The following MYH14 variants were observed in gnomAD, a reference collection of about 807,000 sequenced individuals.
MYH14 encodes the protein myosin-14.
In MYH14, 123 loss-of-function variants were observed where a neutral mutation model predicts 255.5. The observed-to-expected ratio is 0.48, with a 90% CI of 0.42 to 0.56. MYH14 has a LOEUF of 0.56. Ranked by LOEUF, MYH14 falls within the 20% of genes least tolerant of loss-of-function variation. The probability of loss-of-function intolerance (pLI) is 0.00; values close to 1 mark genes in which losing one functional copy is unlikely to be tolerated. For missense variants in MYH14, 2,423 were observed against 2,802.3 expected, an observed-to-expected ratio of 0.86 and a Z score of 3.06; for synonymous variants, 1,095 against 1,161.2, an observed-to-expected ratio of 0.94 and a Z score of 1.16.
intron 16 of MYH14, among the ~76,000 whole-genome samples, chr19:50,254,407 G>A (rs2034516897): frequency 6.6e-6 from 1 of 152,078 alleles, no homozygotes; most frequent in Non-Finnish European, 1.5e-5. Flanking sequence ...TGATGTTCAG[G>A]AACAGAACCA....
chr19:50,226,797 G>T, intron 7 of MYH14, 106 bp from the exon 8 acceptor site: 3 of 1,013,094 alleles, frequency 3.0e-6, no homozygotes, highest in Non-Finnish European at 1.5e-6. Context: ...AAGTGGGGGG[G>T]CAGCCGCAGC....
intron 10 of MYH14, among the ~76,000 whole-genome samples, chr19:50,234,584 G>A (rs1481038201): frequency 1.9e-5 from 2 of 107,810 alleles, no homozygotes; most frequent in African/African-American, 7.0e-5. Context: ...CCACCCCGCC[G>A]CATTTCCCAA....
At chr19:50,309,564 C>G in intron 42 of MYH14, 76 bp from the exon 43 acceptor site, 1 of 930,776 alleles carries the variant, frequency 1.1e-6, no homozygotes, top group South Asian at 1.4e-5. Context: ...CCCCTCATCT[C>G]TCTCTCTCCT....
At chr19:50,253,290 A>G (rs766046428) in intron 16 of MYH14, among the ~76,000 whole-genome samples, 1 of 152,074 alleles carries the variant, frequency 6.6e-6, no homozygotes, top group Non-Finnish European at 1.5e-5. Context: ...TAAAAGTACA[A>G]CAATTAGCCA....
intron 3 of MYH14, among the ~76,000 whole-genome samples, chr19:50,219,442 G>A (rs1220533824): frequency 6.6e-6 from 1 of 152,022 alleles, no homozygotes; most frequent in Non-Finnish European, 1.5e-5. Flanking sequence ...CACTGCTGGT[G>A]GAATGTAAAC....
chr19:50,296,723 T>C (rs374636049), intron 39 of MYH14, among the ~76,000 whole-genome samples: 1 of 152,184 alleles, frequency 6.6e-6, no homozygotes, highest in Non-Finnish European at 1.5e-5. Flanking sequence ...CGATACCCAT[T>C]AGCAGGAAAG....
intron 10 of MYH14, 118 bp downstream of exon 10, chr19:50,232,188 G>T (rs2033432829): frequency 7.8e-7 from 1 of 1,286,934 alleles, no homozygotes; most frequent in South Asian, 1.4e-5. Flanking sequence ...CTGGGTGCAG[G>T]CACCGGGGCC....
intron 12 of MYH14, among the ~76,000 whole-genome samples, chr19:50,247,932 C>A (rs1180883896): frequency 6.6e-6 from 1 of 151,872 alleles, no homozygotes; most frequent in Non-Finnish European, 1.5e-5. Context: ...ATGTGGCACA[C>A]GCCTGTAGTC....
In MYH14 at chr19:50,295,466, A is replaced by C. The variant is rs182159056; in HGVS notation, c.5469+1779A>C. 4.3e-3 allele frequency among the ~76,000 whole-genome samples: 648 copies of C among 152,224 alleles called. 3 individuals are homozygous for C. The highest frequency in any genetic ancestry group is 7.3e-3 in the Non-Finnish European group (494 of 68,014). ...AGACCAGCCTGGGCAACACAGTGAG[A>C]CCCCATCTCTACAAAAAATATATGT... On this transcript the variant is annotated intron_variant, in intron 39 of 42. Coordinates refer to ENST00000642316, the MANE Select transcript of MYH14 (RefSeq NM_001145809.2).
chr19:50,232,274 A>C (rs1194402596), intron 10 of MYH14, among the ~76,000 whole-genome samples: 1 of 152,184 alleles, frequency 6.6e-6, no homozygotes, highest in East Asian at 1.9e-4. Flanking sequence ...CCAAGTCAAT[A>C]AGGAATCACA....
chr19:50,246,637 A>AAAACCAAAC (rs1555764013), intron 11 of MYH14, among the ~76,000 whole-genome samples: 1 of 150,774 alleles, frequency 6.6e-6, no homozygotes, highest in African/African-American at 2.4e-5. Context: ...AAAACAAAAC[A>AAAACCAAAC]AAACAAACAA....
Position 50,309,669 on chromosome 19 carries a change from C to CGGTGCGCCAGGAAG in MYH14, c.6001_6002insAAGGGTGCGCCAGG (p.Val2001GlufsTer9). The CGGTGCGCCAGGAAG allele has an allele frequency of 6.2e-7, 1 of 1,610,932 alleles. No individual in the cohort carries two copies. On this transcript the variant is annotated frameshift_variant, in exon 43 of 43. Coordinates refer to ENST00000642316, the MANE Select transcript of MYH14 (RefSeq NM_001145809.2). LOFTEE classifies it low-confidence loss of function (END_TRUNC). ...GGCCCCCTCACCTTCACCACCCGCA[C>CGGTGCGCCAGGAAG]GGTGCGCCAGGTCTTCCGACTAGAG...
intron 24 of MYH14, among the ~76,000 whole-genome samples, chr19:50,270,244 C>T (rs111615372): frequency 0.17 from 26,066 of 151,698 alleles, 2,436 homozygotes; most frequent in East Asian, 0.29. Context: ...ATAGGCTGGG[C>T]GCAATGGCTC....
chr19:50,301,724 C>T lies in MYH14; in HGVS notation c.5533C>T (p.Arg1845Trp), dbSNP rs199600574. Reference protein sequence around the residue: ...RSFSAKAESGRQQLERQIQEL... With the variant: ...RSFSAKAESGWQQLERQIQEL... ...TTTCTCAGCCAAGGCAGAGAGCGGG[C>T]GGCAGCAGCTGGAACGGCAGATCCA... The change falls in exon 40 of 43, where the codon CGG becomes TGG. Residue 1845 changes from arginine (R) to tryptophan (W), a missense_variant. Coordinates refer to ENST00000642316, the MANE Select transcript of MYH14 (RefSeq NM_001145809.2). 1,679 of 1,613,852 alleles carry T rather than the reference C, an allele frequency of 1.0e-3. 19 individuals carry two copies. Among genetic ancestry groups the T allele is most frequent in the Middle Eastern group, 3.3e-4 (2 of 6,058 alleles).
In MYH14 at chr19:50,257,177, T is replaced by C. The variant is rs141367000; in HGVS notation, c.2045-122T>C. On this transcript the variant is annotated intron_variant, in intron 17 of 42. Coordinates refer to ENST00000642316, the MANE Select transcript of MYH14 (RefSeq NM_001145809.2). ...AAGCTGATATCTACCTTACAGGCTG[T>C]GTGAGGTCCTTCATATGTAAAGTGC... is the stretch of plus-strand genomic sequence containing the variant. 6 of 726,912 alleles carry C rather than the reference T, an allele frequency of 8.3e-6. No homozygotes were observed. The African/African-American group carries it at 1.1e-4, about 13-fold the overall frequency. 45.0% of individuals were successfully genotyped at this position (726,912 alleles called of 1,614,324 possible). A position where few individuals can be genotyped will look rare whatever the true frequency, so the allele number is the denominator to read the frequency against.
intron 9 of MYH14, 138 bp from the exon 10 acceptor site, chr19:50,231,792 C>T: frequency 8.6e-7 from 1 of 1,166,300 alleles, no homozygotes; most frequent in South Asian, 1.5e-5. Flanking sequence ...CGACCCTTCC[C>T]ACCACACTTG....
At chr19:50,237,732 T>G (rs2033724975) in intron 10 of MYH14, among the ~76,000 whole-genome samples, 1 of 152,252 alleles carries the variant, frequency 6.6e-6, no homozygotes, top group Non-Finnish European at 1.5e-5. Flanking sequence ...TGTCCCCACC[T>G]GCACCCAGCA....
In MYH14 at chr19:50,286,551, C is replaced by T. The variant is rs558225564; in HGVS notation, c.4609C>T (p.Arg1537Trp). Residue 1537 changes from arginine to tryptophan, a missense_variant, in exon 34 of 43, where the codon CGG (arginine) becomes TGG (tryptophan). Transcript: ENST00000642316. The stretch of plus-strand genomic sequence containing the variant: ...ACGTGAGCGGGCCGAGGCAGAGGGC[C>T]GGGAGCGTGAGGCTCGGGCCCTGTC... ...EERERAEAEGREREARALSLT... is the reference protein window; with the variant it reads ...EERERAEAEGWEREARALSLT... 19 of 1,612,948 alleles carry T rather than the reference C, an allele frequency of 1.2e-5. No homozygotes were observed. Among genetic ancestry groups the T allele is most frequent in the Admixed American group, 6.7e-5 (4 of 59,882 alleles).
intron 39 of MYH14, among the ~76,000 whole-genome samples, chr19:50,300,910 G>A (rs1164309962): frequency 6.6e-6 from 1 of 151,894 alleles, no homozygotes; most frequent in East Asian, 1.9e-4. Context: ...GCTCCAGCCT[G>A]GGCAACAGAA....
Sources: gnomAD v4.1 joint callset for allele counts (sites outside exome capture counted in the v4.1 genomes callset) on GRCh38, gnomAD v4.1.1 for gene constraint, MANE v1.5 for transcripts, NCBI Gene and HGNC (gene_info 2026-07-23, HGNC 2026-07-21) for gene names.